KLF12: variants seen among roughly 807,000 people sequenced by gnomAD.
KLF12 encodes Krueppel-like factor 12.
A neutral mutation model predicts 37.8 loss-of-function variants in KLF12; 9 were observed. The observed-to-expected ratio is 0.24, with a 90% CI of 0.14 to 0.42. The LOEUF (loss-of-function observed/expected upper bound fraction) is 0.42. Among genes scored for constraint, KLF12 ranks in the 10% least tolerant of loss-of-function variants. KLF12 has a pLI of 1.00. For missense variants in KLF12, 411 were observed against 516.0 expected (o/e 0.80, Z 1.97); for synonymous variants, 208 against 202.1 (o/e 1.03, Z -0.25).
intron 5 of KLF12, among the ~76,000 whole-genome samples, chr13:73,811,134 C>G (rs887898671): frequency 7.3e-5 from 11 of 151,278 alleles, no homozygotes; most frequent in Admixed American, 2.6e-4. Flanking sequence ...TACAGGCACC[C>G]ACCACCACGC....
At chr13:73,732,248 TA>T (rs1477690351) in intron 6 of KLF12, among the ~76,000 whole-genome samples, 1 of 151,694 alleles carries the variant, frequency 6.6e-6, no homozygotes, top group African/African-American at 2.4e-5. Flanking sequence ...CACACCTGGC[TA>T]ATTTTTTTTT....
At position 73,972,417 on chromosome 13, in the gene KLF12, C is replaced by T. The variant is rs141857393; in HGVS notation, c.33+22573G>A. On this transcript the variant is annotated intron_variant, in intron 2 of 7. Coordinates refer to ENST00000377669, the MANE Select transcript of KLF12 (RefSeq NM_007249.5). ...ACAATTGAATAATAGTTTATAACAG[C>T]GTGGTGGTTCCTCAGGCACATATAG... is the stretch of plus-strand genomic sequence containing the variant. Among the ~76,000 whole-genome samples the T allele has an allele frequency of 2.3e-3, 348 of 151,886 alleles. 5 individuals carry two copies. Among genetic ancestry groups the T allele is most frequent in the Admixed American group, 0.013 (193 of 15,218 alleles).
the KLF12 span, among the ~76,000 whole-genome samples, chr13:74,165,240 C>G: frequency 6.6e-6 from 1 of 151,680 alleles, no homozygotes; most frequent in African/African-American, 2.4e-5. Flanking sequence ...CATCAAGGAA[C>G]CTGACTCTTT....
rs151276347 is a variant in KLF12 at position 73,841,483 on chromosome 13, G to T, written c.670+4344C>A. On this transcript the variant is annotated intron_variant, in intron 4 of 7. Coordinates refer to ENST00000377669, the MANE Select transcript of KLF12 (RefSeq NM_007249.5). ...TGGGCCTTATTCAAAGCAGTCCCGG[G>T]TTGCATACAGCCCACAGCTGCGGGT... 4.5e-3 allele frequency among the ~76,000 whole-genome samples: 685 copies of T among 152,232 alleles called. 5 individuals carry two copies. The highest frequency in any genetic ancestry group is 0.014 in the East Asian group (74 of 5,184).
chr13:73,953,141 T>A (rs1566479796), intron 2 of KLF12, among the ~76,000 whole-genome samples: 1 of 152,170 alleles, frequency 6.6e-6, no homozygotes, highest in Non-Finnish European at 1.5e-5. Flanking sequence ...AAGGACCTAC[T>A]ACATTCTGGG....
At chr13:74,035,229 A>T (rs976553993) in intron 1 of KLF12, among the ~76,000 whole-genome samples, 2 of 152,226 alleles carry the variant, frequency 1.3e-5, no homozygotes, top group African/African-American at 4.8e-5. Flanking sequence ...ATATACTTTA[A>T]ATCATCTCTA....
intron 5 of KLF12, among the ~76,000 whole-genome samples, chr13:73,767,608 C>T (rs1395101264): frequency 6.6e-6 from 1 of 152,144 alleles, no homozygotes; most frequent in African/African-American, 2.4e-5. Context: ...ACATAGAAAA[C>T]AGGGAAGCTA....
chr13:73,930,780 A>G (rs964499185), intron 3 of KLF12, among the ~76,000 whole-genome samples: 3 of 152,194 alleles, frequency 2.0e-5, no homozygotes, highest in Non-Finnish European at 2.9e-5. Context: ...TCCTGATAAT[A>G]AAGTAATAAA....
At chr13:74,270,426 A>G in the KLF12 span, among the ~76,000 whole-genome samples, 1 of 152,176 alleles carries the variant, frequency 6.6e-6, no homozygotes, top group Non-Finnish European at 1.5e-5. Context: ...ATGATGCTAC[A>G]TAGAGAAACC....
the KLF12 span, among the ~76,000 whole-genome samples, chr13:74,268,145 G>A: frequency 8.7e-6 from 1 of 114,714 alleles, no homozygotes; most frequent in Admixed American, 9.7e-5. Context: ...ACAGCCAAAG[G>A]GACAAATATA....
At chr13:73,955,202 G>A (rs1202205456) in intron 2 of KLF12, among the ~76,000 whole-genome samples, 3 of 152,078 alleles carry the variant, frequency 2.0e-5, no homozygotes, top group East Asian at 1.9e-4. Context: ...ATTAGTAATA[G>A]CAGTAATAGT....
At chr13:74,014,732 A>G (rs530973734) in intron 1 of KLF12, among the ~76,000 whole-genome samples, 1 of 152,340 alleles carries the variant, frequency 6.6e-6, no homozygotes, top group African/African-American at 2.4e-5. Flanking sequence ...CTGCAGGCCC[A>G]AAAGTATGTA....
the KLF12 span, among the ~76,000 whole-genome samples, chr13:74,195,789 G>T: frequency 6.6e-6 from 1 of 152,018 alleles, no homozygotes; most frequent in African/African-American, 2.4e-5. Context: ...TAGGAGAGAT[G>T]GCCAGGCTGG....
intron 3 of KLF12, among the ~76,000 whole-genome samples, chr13:73,891,831 T>C (rs977119638): frequency 1.3e-5 from 2 of 152,144 alleles, no homozygotes; most frequent in African/African-American, 4.8e-5. Flanking sequence ...GTTTGCATCT[T>C]TGGATGACTT....
intron 1 of KLF12, among the ~76,000 whole-genome samples, chr13:74,115,984 G>T (rs944199522): frequency 6.6e-6 from 1 of 152,120 alleles, no homozygotes; most frequent in Non-Finnish European, 1.5e-5. Flanking sequence ...TCACACGTGG[G>T]TATATCTTAC....
At chr13:74,172,890 A>G in the KLF12 span, among the ~76,000 whole-genome samples, 1 of 152,190 alleles carries the variant, frequency 6.6e-6, no homozygotes, top group Admixed American at 6.5e-5. Context: ...TTTCTGATCA[A>G]CATCTAAATA....
intron 5 of KLF12, among the ~76,000 whole-genome samples, chr13:73,782,518 A>T (rs1291371431): frequency 1.3e-5 from 2 of 152,234 alleles, no homozygotes; most frequent in Non-Finnish European, 2.9e-5. Flanking sequence ...GGAGTTTATC[A>T]TGAAGAAATG....
the KLF12 span, among the ~76,000 whole-genome samples, chr13:74,295,204 C>T: frequency 4.6e-5 from 7 of 152,110 alleles, no homozygotes; most frequent in Non-Finnish European, 1.0e-4. Flanking sequence ...AGCAGATGTT[C>T]GATAGCTTAA....
chr13:74,141,527 T>A, the KLF12 span, among the ~76,000 whole-genome samples: 1 of 152,170 alleles, frequency 6.6e-6, no homozygotes, highest in Non-Finnish European at 1.5e-5. Context: ...AAGATACATA[T>A]TTTTGTCCAT....
Sources: allele counts gnomAD v4.1 joint callset (sites outside exome capture counted in the v4.1 genomes callset), GRCh38; gene constraint gnomAD v4.1.1; transcripts MANE v1.5; gene names NCBI Gene and HGNC (gene_info 2026-07-23, HGNC 2026-07-21).